Variants in SKAP1 observed in about 807,000 individuals in gnomAD.
SKAP1 encodes the protein src kinase associated phosphoprotein 1, also known as src kinase-associated phosphoprotein 1.
In SKAP1, 44 loss-of-function variants were observed where a neutral mutation model predicts 58.5. That is an observed-to-expected ratio of 0.75 (90% CI 0.59 to 0.97). The LOEUF is 0.97. Among genes scored for constraint, SKAP1 ranks in the 50% least tolerant of loss-of-function variants. The pLI, the probability that SKAP1 is intolerant of heterozygous loss-of-function variation, is 0.00. For synonymous variants in SKAP1, 127 were observed against 149.7 expected, an observed-to-expected ratio of 0.85 and a Z score of 1.11; for missense variants, 390 against 435.2, an observed-to-expected ratio of 0.90 and a Z score of 0.92.
intron 4 of SKAP1, among the ~76,000 whole-genome samples, chr17:48,213,571 A>C (rs2064901145): frequency 6.6e-6 from 1 of 152,130 alleles, no homozygotes; most frequent in Non-Finnish European, 1.5e-5. Context: ...CTAGTGTGGC[A>C]AGAACAACTG....
At chr17:48,340,785 T>A (rs35509644) in intron 4 of SKAP1, among the ~76,000 whole-genome samples, 32,196 of 152,164 alleles carry the variant, frequency 0.21, 3,426 homozygotes, top group Admixed American at 0.22. Flanking sequence ...ACACTTAGAA[T>A]AATTATGAAT....
chr17:48,135,154 TCTATC>T (rs2063683275), intron 12 of SKAP1, among the ~76,000 whole-genome samples: 1 of 152,174 alleles, frequency 6.6e-6, no homozygotes, highest in African/African-American at 2.4e-5. Flanking sequence ...GAGAATAAGA[TCTATC>T]CTTATGTATT....
At chr17:48,161,327 T>C (rs532543229) in intron 11 of SKAP1, among the ~76,000 whole-genome samples, 211 of 152,352 alleles carry the variant, frequency 1.4e-3, no homozygotes, top group Non-Finnish European at 2.5e-3. Context: ...GGAATCCACA[T>C]ACTCAGCAAT....
intron 4 of SKAP1, among the ~76,000 whole-genome samples, chr17:48,334,449 C>A (rs2066542227): frequency 6.6e-6 from 1 of 151,722 alleles, no homozygotes; most frequent in African/African-American, 2.4e-5. Context: ...GTGACCAAAG[C>A]AATTGAAATA....
chr17:48,342,189 C>A (rs1351857854), intron 4 of SKAP1, among the ~76,000 whole-genome samples: 1 of 152,140 alleles, frequency 6.6e-6, no homozygotes, highest in Non-Finnish European at 1.5e-5. Context: ...ATGGTAAAAA[C>A]TATGCTTTTA....
chr17:48,276,262 A>G (rs2065699447), intron 4 of SKAP1, among the ~76,000 whole-genome samples: 1 of 152,024 alleles, frequency 6.6e-6, no homozygotes, highest in Admixed American at 6.6e-5. Context: ...GGGAATCTTT[A>G]CTTTCTTTAT....
chr17:48,355,239 T>C (rs1440053945), intron 3 of SKAP1, among the ~76,000 whole-genome samples: 2 of 152,224 alleles, frequency 1.3e-5, no homozygotes, highest in African/African-American at 4.8e-5. Flanking sequence ...TCAGTCACCA[T>C]GAGTATTATA....
chr17:48,160,278 T>A (rs1359991675), intron 11 of SKAP1, among the ~76,000 whole-genome samples: 1 of 152,060 alleles, frequency 6.6e-6, no homozygotes, highest in African/African-American at 2.4e-5. Context: ...TACAAGCATG[T>A]ACCACCACAC....
intron 9 of SKAP1, among the ~76,000 whole-genome samples, chr17:48,171,576 G>A (rs1261612575): frequency 6.6e-6 from 1 of 152,150 alleles, no homozygotes; most frequent in Non-Finnish European, 1.5e-5. Context: ...TGCCCTTGTG[G>A]AGCTTCCAGT....
At chr17:48,357,840 A>G (rs1416981959) in intron 3 of SKAP1, among the ~76,000 whole-genome samples, 1 of 152,208 alleles carries the variant, frequency 6.6e-6, no homozygotes, top group Non-Finnish European at 1.5e-5. Context: ...CACTTGCTAC[A>G]GATTAATTTG....
At chr17:48,153,976 T>C (rs1017303612) in intron 11 of SKAP1, among the ~76,000 whole-genome samples, 1 of 152,116 alleles carries the variant, frequency 6.6e-6, no homozygotes, top group Non-Finnish European at 1.5e-5. Context: ...TGAGGGTTGT[T>C]GTCACATTCA....
chr17:48,163,382 C>T (rs1313625332), intron 10 of SKAP1, among the ~76,000 whole-genome samples: 1 of 152,174 alleles, frequency 6.6e-6, no homozygotes, highest in Non-Finnish European at 1.5e-5. Context: ...AATGATGCCA[C>T]AGGACAGCCA....
At chr17:48,141,356 A>G (rs1413083408) in intron 11 of SKAP1, among the ~76,000 whole-genome samples, 3 of 147,458 alleles carry the variant, frequency 2.0e-5, no homozygotes, top group Non-Finnish European at 4.4e-5. Flanking sequence ...GTGGGTTCCC[A>G]ATGCCCCTTG....
At chr17:48,282,459 C>T (rs754825369) in intron 4 of SKAP1, among the ~76,000 whole-genome samples, 3 of 152,166 alleles carry the variant, frequency 2.0e-5, no homozygotes, top group African/African-American at 7.2e-5. Flanking sequence ...TGCATAACCA[C>T]AGTATAACTA....
chr17:48,400,532 C>T (rs990333517), intron 1 of SKAP1, among the ~76,000 whole-genome samples: 10 of 152,114 alleles, frequency 6.6e-5, no homozygotes, highest in South Asian at 2.1e-4. Context: ...GAGGCCAAGG[C>T]GGGCAGATCA....
At chr17:48,365,010 T>C (rs2066984368) in intron 2 of SKAP1, among the ~76,000 whole-genome samples, 1 of 152,108 alleles carries the variant, frequency 6.6e-6, no homozygotes, top group African/African-American at 2.4e-5. Context: ...CAGCCTCCCA[T>C]GTAGCTGGGG....
At chr17:48,234,818 A>G (rs1007263847) in intron 4 of SKAP1, among the ~76,000 whole-genome samples, 2 of 152,174 alleles carry the variant, frequency 1.3e-5, no homozygotes, top group Admixed American at 1.3e-4. Context: ...TGAATAAAGG[A>G]GATTTATGGT....
At chr17:48,172,221 G>A (rs1280722306) in intron 9 of SKAP1, among the ~76,000 whole-genome samples, 2 of 152,094 alleles carry the variant, frequency 1.3e-5, no homozygotes, top group African/African-American at 4.8e-5. Flanking sequence ...TATTCAGCAT[G>A]TCTTGTTCAT....
intron 1 of SKAP1, among the ~76,000 whole-genome samples, chr17:48,406,423 A>C (rs1317493369): frequency 1.4e-5 from 2 of 147,796 alleles, no homozygotes; most frequent in Non-Finnish European, 3.0e-5. Context: ...TTTTTTTTTG[A>C]GACAGGGTCT....
Sources: allele counts gnomAD v4.1 joint callset (sites outside exome capture counted in the v4.1 genomes callset), GRCh38; gene constraint gnomAD v4.1.1; transcripts MANE v1.5; gene names NCBI Gene and HGNC (gene_info 2026-07-23, HGNC 2026-07-21).